TMC1: variants seen among roughly 807,000 people sequenced by gnomAD.
The protein encoded by TMC1 is transmembrane channel-like protein 1.
A neutral mutation model predicts 105.8 loss-of-function variants in TMC1; 84 were observed. The observed-to-expected ratio is 0.79, with a 90% CI of 0.67 to 0.95. The LOEUF (loss-of-function observed/expected upper bound fraction) is 0.95. TMC1 is among the 40% of genes least tolerant of loss of function. The pLI is 0.00. For synonymous variants in TMC1, 315 were observed against 311.5 expected (o/e 1.01, Z -0.12); for missense variants, 817 against 914.1 (o/e 0.89, Z 1.37).
intron 5 of TMC1, among the ~76,000 whole-genome samples, chr9:72,687,678 A>T (rs540663978): frequency 6.6e-6 from 1 of 152,166 alleles, no homozygotes; most frequent in Admixed American, 6.6e-5. Flanking sequence ...CACTCTTGGC[A>T]TGTGTTGCCT....
Position 72,807,824 on chromosome 9 carries a change from T to A in TMC1, c.1695+2314T>A, listed in dbSNP as rs538636719. 6.6e-5 allele frequency among the ~76,000 whole-genome samples: 10 copies of A among 152,166 alleles called. 1 individual carries two copies. The highest frequency in any genetic ancestry group is 2.0e-4 in the Admixed American group (3 of 15,282). ...AGTTTGCTGTCATGCATCTGGCAAGTGGTGGAGCTGAATTCTGGCAGGGGC... is the reference window on the plus strand; with the variant it reads ...AGTTTGCTGTCATGCATCTGGCAAGAGGTGGAGCTGAATTCTGGCAGGGGC... On this transcript the variant is annotated intron_variant, in intron 18 of 23. Coordinates refer to ENST00000297784, the MANE Select transcript of TMC1 (RefSeq NM_138691.3).
At chr9:72,572,713 C>A (rs1402896119) in intron 1 of TMC1, among the ~76,000 whole-genome samples, 1 of 152,048 alleles carries the variant, frequency 6.6e-6, no homozygotes. Context: ...ATTGGCCAGG[C>A]CATGGTGGTT....
chr9:72,583,836 T>C (rs2132100751), intron 2 of TMC1, among the ~76,000 whole-genome samples: 1 of 143,702 alleles, frequency 7.0e-6, no homozygotes, highest in Non-Finnish European at 1.5e-5. Context: ...ACAGTATCTG[T>C]AGGCTGTCTG....
At chr9:72,578,254 ACG>A (rs1824417788) in intron 2 of TMC1, 2 of 139,176 alleles carry the variant, frequency 1.4e-5, no homozygotes, top group Non-Finnish European at 3.1e-5. Context: ...TCCTTTGTGC[ACG>A]CGCGCACGCG....
chr9:72,819,092 G>A (rs912409609), intron 19 of TMC1, among the ~76,000 whole-genome samples: 1 of 152,152 alleles, frequency 6.6e-6, no homozygotes, highest in Non-Finnish European at 1.5e-5. Context: ...GCTCATAAAA[G>A]GAACATGTTC....
At chr9:72,763,925 G>C (rs932662226) in intron 12 of TMC1, among the ~76,000 whole-genome samples, 1 of 152,060 alleles carries the variant, frequency 6.6e-6, no homozygotes, top group Non-Finnish European at 1.5e-5. Flanking sequence ...AGAATCTTTC[G>C]ATATGACTAG....
chr9:72,587,689 C>CAT (rs1388940927), intron 2 of TMC1, among the ~76,000 whole-genome samples: 7 of 152,126 alleles, frequency 4.6e-5, no homozygotes, highest in African/African-American at 1.7e-4. Context: ...CCAGAATTGA[C>CAT]ATATATTCTT....
intron 4 of TMC1, among the ~76,000 whole-genome samples, chr9:72,637,230 A>AT (rs1322036735): frequency 1.3e-5 from 2 of 151,396 alleles, no homozygotes; most frequent in Non-Finnish European, 2.9e-5. Context: ...GGTTATTATT[A>AT]TTTTTTTGTT....
intron 1 of TMC1, among the ~76,000 whole-genome samples, chr9:72,570,505 TATGTGGCC>T (rs1824258911): frequency 6.6e-6 from 1 of 151,990 alleles, no homozygotes; most frequent in South Asian, 2.1e-4. Context: ...TATATTCTTT[TATGTGGCC>T]ATTCATTATA....
At chr9:72,793,291 C>G (rs1284374512) in intron 17 of TMC1, among the ~76,000 whole-genome samples, 3 of 152,194 alleles carry the variant, frequency 2.0e-5, no homozygotes, top group Admixed American at 2.0e-4. Flanking sequence ...CCCCACTTCA[C>G]AGCACCTCAC....
intron 8 of TMC1, among the ~76,000 whole-genome samples, chr9:72,716,103 A>G (rs1475404926): frequency 6.6e-6 from 1 of 152,216 alleles, no homozygotes; most frequent in Admixed American, 6.5e-5. Context: ...GCAGAACAGC[A>G]AAGATTGCTA....
Position 72,640,773 on chromosome 9 carries a change from A to G in TMC1, c.-52-7824A>G, listed in dbSNP as rs866683047. On this transcript the variant is annotated intron_variant, in intron 4 of 23. Transcript: ENST00000297784. ...TCACCTCCCGGGTAGCTGGGACTAC[A>G]GGCGCCCGCCACTACGCCTGGCTAA... Among the ~76,000 whole-genome samples, 1,479 of 151,276 alleles carry G rather than the reference A, an allele frequency of 9.8e-3. 28 individuals are homozygous for G. Among genetic ancestry groups the G allele is most frequent in the African/African-American group, 0.034 (1,408 of 41,290 alleles).
chr9:72,746,466 G>T (rs544922387), intron 10 of TMC1, among the ~76,000 whole-genome samples: 2 of 152,246 alleles, frequency 1.3e-5, no homozygotes, highest in Admixed American at 6.5e-5. Flanking sequence ...GTAGTAAGTG[G>T]CATGGTCAAA....
chr9:72,737,253 T>A (rs1271384845), intron 8 of TMC1, among the ~76,000 whole-genome samples: 1 of 152,178 alleles, frequency 6.6e-6, no homozygotes, highest in Non-Finnish European at 1.5e-5. Context: ...CAGACTTGTG[T>A]TGTGATCAAA....
At chr9:72,685,328 G>C (rs940064328) in intron 5 of TMC1, among the ~76,000 whole-genome samples, 6 of 147,120 alleles carry the variant, frequency 4.1e-5, no homozygotes, top group Admixed American at 2.7e-4. Context: ...GGATGGTCTC[G>C]ATCTCCTGAC....
intron 7 of TMC1, among the ~76,000 whole-genome samples, chr9:72,700,022 G>C (rs994071824): frequency 6.7e-5 from 10 of 150,220 alleles, no homozygotes; most frequent in African/African-American, 2.2e-4. Context: ...GGGAGGCCGA[G>C]GTGGGCAGAT....
intron 3 of TMC1, among the ~76,000 whole-genome samples, chr9:72,626,902 C>T (rs1825356763): frequency 6.6e-6 from 1 of 152,056 alleles, no homozygotes; most frequent in African/African-American, 2.4e-5. Context: ...ATGCATTAAA[C>T]CATCACATCA....
At chr9:72,608,088 A>G (rs1824955590) in intron 2 of TMC1, among the ~76,000 whole-genome samples, 2 of 152,214 alleles carry the variant, frequency 1.3e-5, no homozygotes, top group African/African-American at 2.4e-5. Context: ...CAGGATTCAA[A>G]TAAAATCACC....
In TMC1 at chr9:72,605,575, A is replaced by ATTTT. The variant is rs376876900; in HGVS notation, c.-305-10778_-305-10775dup. 3.9e-3 allele frequency among the ~76,000 whole-genome samples: 509 copies of ATTTT among 131,686 alleles called. 10 individuals are homozygous for ATTTT. Among genetic ancestry groups the ATTTT allele is most frequent in the African/African-American group, 0.014 (488 of 34,720 alleles). The allele number at this position is 131,686 out of a possible 152,430, so 86.4% of individuals were successfully genotyped here. ...ATTTATAAGCATTCCAGTCAGATTA[A>ATTTT]TTTTTTTTTTTTTTTTTTGAGATGG... On this transcript the variant is annotated intron_variant, in intron 2 of 23. Transcript: ENST00000297784.
Sources: allele counts gnomAD v4.1 joint callset (sites outside exome capture counted in the v4.1 genomes callset), GRCh38; gene constraint gnomAD v4.1.1; transcripts MANE v1.5; gene names NCBI Gene and HGNC (gene_info 2026-07-23, HGNC 2026-07-21).